The following IRF8 variants were observed in gnomAD, a reference collection of about 807,000 sequenced individuals.
IRF8 encodes the protein interferon consensus sequence binding protein 1.
IRF8 carries 14 observed loss-of-function variants against 48.7 expected under a neutral mutation model. That is an observed-to-expected ratio of 0.29 (90% CI 0.19 to 0.45). The LOEUF (loss-of-function observed/expected upper bound fraction) is 0.45, where lower values mean the gene tolerates loss of function less well. IRF8 is among the 20% of genes least tolerant of loss of function. The probability of loss-of-function intolerance (pLI) is 1.00; values close to 1 mark genes in which losing one functional copy is unlikely to be tolerated. For missense variants in IRF8, 493 were observed against 580.7 expected, an observed-to-expected ratio of 0.85 and a Z score of 1.55; for synonymous variants, 278 against 227.3, an observed-to-expected ratio of 1.22 and a Z score of -2.01.
At chr16:85,909,289 C>A in intron 3 of IRF8, 116 bp downstream of exon 3, 2 of 801,362 alleles carry the variant, frequency 2.5e-6, no homozygotes, top group Non-Finnish European at 4.3e-6. Context: ...TTCAGTTAAA[C>A]AAAGCAGTTC....
chr16:85,912,426 T>G (rs1448796345), intron 4 of IRF8, among the ~76,000 whole-genome samples: 1 of 152,222 alleles, frequency 6.6e-6, no homozygotes, highest in Non-Finnish European at 1.5e-5. Context: ...ATGGAATCCT[T>G]AAGAGTAGCT....
intron 3 of IRF8, among the ~76,000 whole-genome samples, chr16:85,911,300 A>G (rs1231843498): frequency 6.6e-6 from 1 of 152,248 alleles, no homozygotes; most frequent in Admixed American, 6.5e-5. Flanking sequence ...CTCAGAAAAT[A>G]GAAGAAAGAG....
chr16:85,901,248 T>C (rs2152098023), intron 1 of IRF8: 1 of 152,246 alleles, frequency 6.6e-6, no homozygotes, highest in African/African-American at 2.4e-5. Context: ...AACTTACAGG[T>C]GAGGAAGCCT....
chr16:85,900,301 C>T (rs1221702185), intron 1 of IRF8, among the ~76,000 whole-genome samples: 1 of 152,198 alleles, frequency 6.6e-6, no homozygotes, highest in East Asian at 1.9e-4. Flanking sequence ...GAAAGCCTGA[C>T]TGCTGTATAC....
At chr16:85,910,803 A>G (rs1260113462) in intron 3 of IRF8, among the ~76,000 whole-genome samples, 1 of 152,218 alleles carries the variant, frequency 6.6e-6, no homozygotes, top group Non-Finnish European at 1.5e-5. Flanking sequence ...TGAATTCTTT[A>G]ATCTATCGAA....
chr16:85,922,542 G>T lies in IRF8; in HGVS notation c.*1260G>T, dbSNP rs1182353997. 6.6e-6 allele frequency: 1 copy of T among 152,244 alleles called. No individual in the cohort carries two copies. The highest frequency in any genetic ancestry group is 1.5e-5 in the Non-Finnish European group (1 of 68,012). 9.4% of individuals were successfully genotyped at this position (152,244 alleles called of 1,614,324 possible). On this transcript the variant is annotated 3_prime_UTR_variant, in exon 9 of 9. Coordinates refer to ENST00000268638, the MANE Select transcript of IRF8 (RefSeq NM_002163.4). ...ATATGCTGAATGAATATTTATTTTT[G>T]TATCCATTAAAACAGTATATTGATC...
chr16:85,915,565 T>G (rs1905277151), intron 6 of IRF8, among the ~76,000 whole-genome samples: 1 of 152,232 alleles, frequency 6.6e-6, no homozygotes, highest in African/African-American at 2.4e-5. Flanking sequence ...ATGAGGAGAC[T>G]GAGGCTGGGA....
intron 6 of IRF8, among the ~76,000 whole-genome samples, chr16:85,915,793 C>A (rs1376699813): frequency 6.6e-6 from 1 of 152,196 alleles, no homozygotes; most frequent in African/African-American, 2.4e-5. Context: ...AGAACTGAGC[C>A]ATCTCGGTGA....
rs1015144832 is a variant in IRF8 at position 85,914,682 on chromosome 16, C to T, written c.601+162C>T. ...GGACCTGGTGTGGAAGTCTAGGCTCCGTTCCGAGGATGAGCAGGACCTGGT... is the reference window on the plus strand; with the variant it reads ...GGACCTGGTGTGGAAGTCTAGGCTCTGTTCCGAGGATGAGCAGGACCTGGT... On this transcript the variant is annotated intron_variant, in intron 6 of 8. Transcript: ENST00000268638. 2.2e-4 allele frequency among the ~76,000 whole-genome samples: 33 copies of T among 150,316 alleles called. 1 individual carries two copies. The highest frequency in any genetic ancestry group is 8.5e-4 in the South Asian group (4 of 4,712).
intron 3 of IRF8, chr16:85,909,394 G>T: frequency 3.5e-6 from 2 of 568,286 alleles, no homozygotes; most frequent in Non-Finnish European, 6.3e-6. Context: ...TGCCCCACTT[G>T]CTGCCTGACC....
intron 1 of IRF8, among the ~76,000 whole-genome samples, chr16:85,900,296 C>T (rs2152097692): frequency 6.6e-6 from 1 of 152,268 alleles, no homozygotes; most frequent in East Asian, 1.9e-4. Context: ...TCCTGGAAAG[C>T]CTGACTGCTG....
intron 3 of IRF8, 59 bp downstream of exon 3, chr16:85,909,232 C>T (rs1905080324): frequency 1.4e-6 from 2 of 1,459,420 alleles, no homozygotes; most frequent in African/African-American, 1.4e-5. Context: ...GTAGCCTTCA[C>T]CACAGAACTT....
intron 7 of IRF8, 47 bp from the exon 8 acceptor site, chr16:85,920,062 G>A (rs199800388): frequency 1.4e-6 from 2 of 1,385,212 alleles, no homozygotes; most frequent in Non-Finnish European, 2.0e-6. Context: ...GGAGTTGGAG[G>A]TCATCTCGGC....
At chr16:85,906,349 G>T (rs916449784) in intron 2 of IRF8, among the ~76,000 whole-genome samples, 1 of 152,194 alleles carries the variant, frequency 6.6e-6, no homozygotes, top group Non-Finnish European at 1.5e-5. Flanking sequence ...GCAGGGGTGG[G>T]GGGGCCCTGA....
At chr16:85,907,208 A>G (rs1257456882) in intron 2 of IRF8, among the ~76,000 whole-genome samples, 1 of 152,224 alleles carries the variant, frequency 6.6e-6, no homozygotes, top group East Asian at 1.9e-4. Context: ...GAGGTGCAAC[A>G]TTTTGCATCA....
chr16:85,911,683 G>T (rs777010378), intron 4 of IRF8, 25 bp downstream of exon 4: 1 of 1,593,592 alleles, frequency 6.3e-7, no homozygotes, highest in Non-Finnish European at 8.6e-7. Flanking sequence ...CATTTCAGGG[G>T]TCTGGCCCTG....
intron 5 of IRF8, 104 bp from the exon 6 acceptor site, chr16:85,914,369 C>T (rs1905232568): frequency 7.4e-7 from 1 of 1,344,740 alleles, no homozygotes. Flanking sequence ...TCTGGCACGC[C>T]ATGTGCAGCC....
chr16:85,899,425 C>T (rs760104533), intron 1 of IRF8, among the ~76,000 whole-genome samples: 8 of 152,230 alleles, frequency 5.3e-5, no homozygotes, highest in Non-Finnish European at 1.0e-4. Flanking sequence ...CGTTGATTGT[C>T]GTTTGCCTGT....
intron 7 of IRF8, 86 bp from the exon 8 acceptor site, chr16:85,920,023 C>A (rs954926528): frequency 4.2e-6 from 4 of 963,116 alleles, no homozygotes; most frequent in African/African-American, 3.2e-5. Flanking sequence ...AAGCCCTGGG[C>A]CTCCTGATCC....
Sources: allele counts gnomAD v4.1 joint callset (sites outside exome capture counted in the v4.1 genomes callset), GRCh38; gene constraint gnomAD v4.1.1; transcripts MANE v1.5; gene names NCBI Gene and HGNC (gene_info 2026-07-23, HGNC 2026-07-21).